KIAA1549L: variants seen among roughly 807,000 people sequenced by gnomAD.
KIAA1549L encodes the protein KIAA1549 like, also known as UPF0606 protein KIAA1549L.
KIAA1549L carries 88 observed loss-of-function variants against 160.7 expected under a neutral mutation model. The ratio of observed to expected loss-of-function variants is 0.55; its 90% CI spans 0.46 to 0.65. KIAA1549L has a LOEUF of 0.65. Ranked by LOEUF, KIAA1549L falls within the 30% of genes least tolerant of loss-of-function variation. The pLI is 0.00. For synonymous variants in KIAA1549L, 950 were observed against 976.7 expected (o/e 0.97, Z 0.51); for missense variants, 2,258 against 2,437.5 (o/e 0.93, Z 1.55).
chr11:33,542,624 C>G lies in KIAA1549L; in HGVS notation c.1061C>G (p.Pro354Arg). ...AGCCCCATGGCAGAACTGTCCCATCCGTCTCCCCCTCCCCCAGCACTTGGA... is the reference window on the plus strand; with the variant it reads ...AGCCCCATGGCAGAACTGTCCCATCGGTCTCCCCCTCCCCCAGCACTTGGA... Reference protein sequence around the residue: ...FLSPMAELSHPSPPPPALGSL... With the variant: ...FLSPMAELSHRSPPPPALGSL... The change falls in exon 2 of 21, where the codon CCG (proline) becomes CGG (arginine). Residue 354 changes from proline to arginine, a missense_variant. Pro to Arg is a moderately radical substitution (Grantham distance 103). Coordinates refer to ENST00000658780, the MANE Select transcript of KIAA1549L (RefSeq NM_012194.3). The G allele has an allele frequency of 6.2e-7, 1 of 1,613,932 alleles. No homozygotes were observed.
intron 1 of KIAA1549L, among the ~76,000 whole-genome samples, chr11:33,383,110 C>G (rs1850105388): frequency 6.6e-6 from 1 of 152,110 alleles, no homozygotes; most frequent in Admixed American, 6.5e-5. Flanking sequence ...ATGGAAACTT[C>G]AGGATCCTGA....
intron 17 of KIAA1549L, among the ~76,000 whole-genome samples, chr11:33,655,044 A>G (rs913389814): frequency 2.0e-5 from 3 of 152,190 alleles, no homozygotes; most frequent in African/African-American, 7.2e-5. Context: ...GAAGAAAGAA[A>G]CGGATGAGAA....
chr11:33,468,198 C>A lies in KIAA1549L; in HGVS notation c.239-73604C>A, dbSNP rs539389553. Among the ~76,000 whole-genome samples the A allele has an allele frequency of 2.0e-5, 3 of 152,304 alleles. No individual in the cohort carries two copies. The East Asian group carries it at 5.8e-4, about 29-fold the overall frequency. ...CGATTGGCAAGTATTACACTCGGCT[C>A]TTCAAAGGGAACTGCTGATTTTAGC... On this transcript the variant is annotated intron_variant, in intron 1 of 20. Transcript: ENST00000658780.
chr11:33,563,226 G>A (rs998680860), intron 8 of KIAA1549L, among the ~76,000 whole-genome samples: 1 of 151,702 alleles, frequency 6.6e-6, no homozygotes, highest in Non-Finnish European at 1.5e-5. Flanking sequence ...GCAGGTGCCT[G>A]TAATCCCAGC....
chr11:33,627,948 C>T (rs1180333265), intron 16 of KIAA1549L, among the ~76,000 whole-genome samples: 9 of 151,570 alleles, frequency 5.9e-5, no homozygotes. Flanking sequence ...CCTCTACACA[C>T]TGCTTTGAAT....
At chr11:33,646,414 C>T (rs1050053766) in intron 17 of KIAA1549L, among the ~76,000 whole-genome samples, 1 of 152,180 alleles carries the variant, frequency 6.6e-6, no homozygotes, top group African/African-American at 2.4e-5. Flanking sequence ...GGTTGTGTGG[C>T]CTGGTGGTTT....
At chr11:33,484,019 G>A (rs1359031717) in intron 1 of KIAA1549L, among the ~76,000 whole-genome samples, 2 of 152,126 alleles carry the variant, frequency 1.3e-5, no homozygotes, top group African/African-American at 4.8e-5. Flanking sequence ...ATGCTGTGAG[G>A]GATGCATATG....
At chr11:33,524,559 A>G (rs1853570775) in intron 1 of KIAA1549L, among the ~76,000 whole-genome samples, 1 of 152,090 alleles carries the variant, frequency 6.6e-6, no homozygotes, top group Admixed American at 6.6e-5. Context: ...TTTCTTCTAA[A>G]AAGTCTCTTT....
intron 20 of KIAA1549L, among the ~76,000 whole-genome samples, chr11:33,664,636 G>A (rs936675753): frequency 1.3e-5 from 2 of 152,216 alleles, no homozygotes; most frequent in African/African-American, 4.8e-5. Context: ...GCGTGAGAGA[G>A]ACCCCTGACC....
At chr11:33,421,179 CAG>C (rs774182454) in intron 1 of KIAA1549L, among the ~76,000 whole-genome samples, 21 of 127,388 alleles carry the variant, frequency 1.6e-4, no homozygotes, top group Non-Finnish European at 2.6e-4. Flanking sequence ...TCTTCTCACT[CAG>C]GGGATGGAGG....
At chr11:33,483,646 G>T (rs1313109040) in intron 1 of KIAA1549L, among the ~76,000 whole-genome samples, 1 of 152,012 alleles carries the variant, frequency 6.6e-6, no homozygotes, top group Non-Finnish European at 1.5e-5. Flanking sequence ...GCTATGGGAG[G>T]GACCCATGGG....
At chr11:33,528,731 G>A (rs1853670466) in intron 1 of KIAA1549L, among the ~76,000 whole-genome samples, 1 of 152,182 alleles carries the variant, frequency 6.6e-6, no homozygotes, top group African/African-American at 2.4e-5. Flanking sequence ...ACTTGGGAAT[G>A]AAAAACCAGT....
At chr11:33,528,099 C>T (rs1478053227) in intron 1 of KIAA1549L, among the ~76,000 whole-genome samples, 1 of 152,192 alleles carries the variant, frequency 6.6e-6, no homozygotes, top group East Asian at 1.9e-4. Context: ...ATTGCGAGGC[C>T]TCCCCAGCCA....
chr11:33,571,633 T>C (rs1229698315), intron 9 of KIAA1549L, among the ~76,000 whole-genome samples: 1 of 151,966 alleles, frequency 6.6e-6, no homozygotes, highest in Non-Finnish European at 1.5e-5. Context: ...TCCACGCACA[T>C]TAAACAACCA....
chr11:33,587,592 A>G (rs1025932566), intron 11 of KIAA1549L, among the ~76,000 whole-genome samples: 2 of 152,280 alleles, frequency 1.3e-5, no homozygotes, highest in African/African-American at 4.8e-5. Context: ...AAACATACAC[A>G]GGGATTGTTG....
At chr11:33,511,167 C>G (rs1853219439) in intron 1 of KIAA1549L, among the ~76,000 whole-genome samples, 1 of 152,176 alleles carries the variant, frequency 6.6e-6, no homozygotes, top group Admixed American at 6.5e-5. Flanking sequence ...TTTCTCCAGC[C>G]AAGCACAGGC....
chr11:33,543,576 A>G lies in KIAA1549L; in HGVS notation c.2013A>G (p.Ala671=), dbSNP rs1854112717. The G allele has an allele frequency of 1.9e-6, 3 of 1,613,916 alleles. No individual in the cohort carries two copies. The African/African-American group carries it at 4.0e-5, about 22-fold the overall frequency. ...CTTCAGCTTCCAAACAGGTGAGAGCATCGCCCTCCTCCATGGATGTATATG... is the reference window on the plus strand; with the variant it reads ...CTTCAGCTTCCAAACAGGTGAGAGCGTCGCCCTCCTCCATGGATGTATATG... ...LPASASKQVR[A]SPSSMDVYDS... Residue 671 remains alanine, a synonymous_variant, in exon 2 of 21, where the codon GCA becomes GCG. Coordinates refer to ENST00000658780, the MANE Select transcript of KIAA1549L (RefSeq NM_012194.3).
At chr11:33,403,699 C>G (rs550684769) in intron 1 of KIAA1549L, 1 of 152,328 alleles carries the variant, frequency 6.6e-6, no homozygotes, top group South Asian at 2.1e-4. Context: ...CTTTTTTCCT[C>G]TGCTTTTCCC....
chr11:33,411,166 A>G (rs1299769507), intron 1 of KIAA1549L, among the ~76,000 whole-genome samples: 1 of 152,230 alleles, frequency 6.6e-6, no homozygotes, highest in Non-Finnish European at 1.5e-5. Context: ...AGGTGAAACG[A>G]GGAACACAAA....
Sources: allele counts gnomAD v4.1 joint callset (sites outside exome capture counted in the v4.1 genomes callset), GRCh38; gene constraint gnomAD v4.1.1; transcripts MANE v1.5; gene names NCBI Gene and HGNC (gene_info 2026-07-23, HGNC 2026-07-21).